PKP1: variants seen among roughly 807,000 people sequenced by gnomAD.
PKP1 encodes plakophilin-1.
A neutral mutation model predicts 76.4 loss-of-function variants in PKP1; 27 were observed. The ratio of observed to expected loss-of-function variants is 0.35; its 90% CI spans 0.26 to 0.49. PKP1 has a LOEUF of 0.49. Among genes scored for constraint, PKP1 ranks in the 20% least tolerant of loss-of-function variants. The probability of loss-of-function intolerance (pLI) is 0.99; values close to 1 mark genes in which losing one functional copy is unlikely to be tolerated. For synonymous variants in PKP1, 404 were observed against 384.2 expected (o/e 1.05, Z -0.60); for missense variants, 964 against 955.2 (o/e 1.01, Z -0.12).
intron 3 of PKP1, among the ~76,000 whole-genome samples, chr1:201,315,087 G>A (rs767451704): frequency 8.5e-5 from 13 of 152,360 alleles, no homozygotes; most frequent in Middle Eastern, 3.4e-3. Flanking sequence ...GCCGTAAGGC[G>A]TATTTAGGAT....
chr1:201,298,059 T>C (rs1366541772), intron 2 of PKP1, among the ~76,000 whole-genome samples: 1 of 146,652 alleles, frequency 6.8e-6, no homozygotes, highest in Non-Finnish European at 1.6e-5. Flanking sequence ...TGTCACTATG[T>C]CTCCCCACTC....
At chr1:201,284,695 C>G (rs1655677077) in intron 1 of PKP1, among the ~76,000 whole-genome samples, 2 of 152,236 alleles carry the variant, frequency 1.3e-5, no homozygotes, top group African/African-American at 2.4e-5. Flanking sequence ...CAGAAATCCT[C>G]TTTCCCACTG....
chr1:201,325,242 G>A (rs954941300), intron 11 of PKP1, 115 bp downstream of exon 11: 1 of 1,079,230 alleles, frequency 9.3e-7, no homozygotes, highest in Non-Finnish European at 1.4e-6. Context: ...CAAGGGCAGG[G>A]GGAGCCAGGG....
chr1:201,323,771 G>A (rs1299203906), intron 9 of PKP1, among the ~76,000 whole-genome samples: 3 of 152,160 alleles, frequency 2.0e-5, no homozygotes, highest in Non-Finnish European at 4.4e-5. Context: ...CACTAGAGTA[G>A]ACCGAGGGCA....
rs1655646237 is a variant in PKP1 at position 201,283,845 on chromosome 1, C to A, written c.143C>A (p.Thr48Asn). The change falls in exon 1 of 14, where the codon ACC (threonine) becomes AAC (asparagine). Residue 48 changes from threonine (T) to asparagine (N), a missense_variant. By Grantham distance (65) the Thr-to-Asn change is moderately conservative. Transcript: ENST00000367324. ...CGCGTGCAGGAGCAGGTGATGATGA[C>A]CGTCAAGCGGCAGAAGTCCAAGTCT... ...RQRVQEQVMM[T>N]VKRQKSKSSQ... 3 of 1,614,172 alleles carry A rather than the reference C, an allele frequency of 1.9e-6. No individual in the cohort carries two copies. The East Asian group carries it at 6.7e-5, about 36-fold the overall frequency.
chr1:201,320,439 G>C (rs917400142), intron 7 of PKP1, 58 bp downstream of exon 7: 4 of 1,176,818 alleles, frequency 3.4e-6, no homozygotes, highest in Non-Finnish European at 5.1e-6. Flanking sequence ...ACATTTTCTG[G>C]GTGCCTTTGA....
chr1:201,325,680 G>A lies in PKP1; in HGVS notation c.2022-74G>A. ...CTGTGTCCAGGCCCTGGCAGTGGGG[G>A]TGGGAGGGAAGAGGGTGCTCCTTCT... On this transcript the variant is annotated intron_variant, in intron 11 of 13. Transcript: ENST00000367324. 2.7e-6 allele frequency: 3 copies of A among 1,129,190 alleles called. No homozygotes were observed. In the East Asian group the frequency reaches 7.1e-5, roughly 27 times the overall value. 69.9% of individuals were successfully genotyped at this position (1,129,190 alleles called of 1,614,324 possible).
intron 2 of PKP1, among the ~76,000 whole-genome samples, chr1:201,310,613 G>C (rs753441069): frequency 6.6e-6 from 1 of 152,198 alleles, no homozygotes. Context: ...CCCCCTCATG[G>C]TACTTGGGGA....
Position 201,316,639 on chromosome 1 carries a change from C to A in PKP1, c.788C>A (p.Ala263Asp), listed in dbSNP as rs767514466. The stretch of plus-strand genomic sequence containing the variant: ...AGCTCCCAGGATGAGAAGTACCAGG[C>A]CATTGGGGCCTATTACATCCAGCAT... ...YLSSQDEKYQ[A>D]IGAYYIQHTC... The change falls in exon 4 of 14, where the codon GCC (alanine) becomes GAC (aspartate). Residue 263 changes from alanine to aspartate, a missense_variant. Transcript: ENST00000367324. The A allele has an allele frequency of 6.2e-7, 1 of 1,613,560 alleles. No individual in the cohort carries two copies. Among genetic ancestry groups the A allele is most frequent in the Non-Finnish European group, 8.5e-7 (1 of 1,179,882 alleles).
chr1:201,328,432 G>A, intron 12 of PKP1: 1 of 395,204 alleles, frequency 2.5e-6, no homozygotes, highest in East Asian at 5.8e-5. Flanking sequence ...AAGAACAATT[G>A]ACAGCTTCTC....
intron 1 of PKP1, among the ~76,000 whole-genome samples, chr1:201,287,249 T>A (rs1655768265): frequency 6.6e-6 from 1 of 152,188 alleles, no homozygotes; most frequent in African/African-American, 2.4e-5. Flanking sequence ...GGGAGGTGCC[T>A]GCTCCCTTTC....
intron 1 of PKP1, among the ~76,000 whole-genome samples, chr1:201,287,960 G>A (rs537503813): frequency 6.6e-6 from 1 of 152,124 alleles, no homozygotes; most frequent in Admixed American, 6.5e-5. Context: ...ACACACATAG[G>A]TCACACATGC....
intron 3 of PKP1, among the ~76,000 whole-genome samples, chr1:201,315,763 C>T (rs1656701943): frequency 6.6e-6 from 1 of 152,206 alleles, no homozygotes; most frequent in Admixed American, 6.5e-5. Flanking sequence ...GGACATCAGG[C>T]TAAGCTGTTT....
chr1:201,317,361 G>T (rs2102177899), intron 4 of PKP1, among the ~76,000 whole-genome samples: 1 of 152,262 alleles, frequency 6.6e-6, no homozygotes, highest in Non-Finnish European at 1.5e-5. Flanking sequence ...TGGGAGCTAG[G>T]ATATGGGAGC....
chr1:201,307,503 G>T (rs758684558), intron 2 of PKP1, among the ~76,000 whole-genome samples: 1 of 152,138 alleles, frequency 6.6e-6, no homozygotes, highest in African/African-American at 2.4e-5. Flanking sequence ...ATTCTCGACC[G>T]CCTGGAGCCC....
chr1:201,318,554 T>C, intron 5 of PKP1, 64 bp from the exon 6 acceptor site: 1 of 1,475,180 alleles, frequency 6.8e-7, no homozygotes, highest in Non-Finnish European at 9.5e-7. Flanking sequence ...GCTGGGGCTG[T>C]TACCTCGGTC....
chr1:201,317,061 T>C (rs7528833), intron 4 of PKP1, among the ~76,000 whole-genome samples: 21,937 of 152,012 alleles, frequency 0.14, 2,120 homozygotes, highest in African/African-American at 0.28. Flanking sequence ...TCCCCTTCTC[T>C]CTCCAGGCAT....
At chr1:201,312,764 C>G (rs1399809050) in intron 2 of PKP1, among the ~76,000 whole-genome samples, 1 of 152,182 alleles carries the variant, frequency 6.6e-6, no homozygotes, top group Non-Finnish European at 1.5e-5. Flanking sequence ...GCTGTCTTGG[C>G]TTCCTGGGTT....
intron 2 of PKP1, among the ~76,000 whole-genome samples, chr1:201,311,989 G>A (rs1353792167): frequency 1.3e-5 from 2 of 152,204 alleles, no homozygotes; most frequent in Non-Finnish European, 2.9e-5. Context: ...CTCACACAGA[G>A]CTCATGAGGC....
Sources: allele counts gnomAD v4.1 joint callset (sites outside exome capture counted in the v4.1 genomes callset), GRCh38; gene constraint gnomAD v4.1.1; transcripts MANE v1.5; gene names NCBI Gene and HGNC (gene_info 2026-07-23, HGNC 2026-07-21).